The following FGD3 variants were observed in gnomAD, a reference collection of about 807,000 sequenced individuals.
The protein encoded by FGD3 is FYVE, RhoGEF and PH domain containing 3, also known as FYVE, RhoGEF and PH domain-containing protein 3.
FGD3 carries 45 observed loss-of-function variants against 71.8 expected under a neutral mutation model. That is an observed-to-expected ratio of 0.63 (90% CI 0.49 to 0.80). The LOEUF (loss-of-function observed/expected upper bound fraction) is 0.80. Ranked by LOEUF, FGD3 falls within the 30% of genes least tolerant of loss-of-function variation. FGD3 has a pLI of 0.00. For synonymous variants in FGD3, 378 were observed against 392.8 expected (o/e 0.96, Z 0.44); for missense variants, 844 against 951.5 (o/e 0.89, Z 1.49).
Position 93,013,867 on chromosome 9 carries a change from C to G in FGD3, c.1051C>G (p.Leu351Val), listed in dbSNP as rs368858332. The G allele has an allele frequency of 3.1e-6, 5 of 1,613,010 alleles. No individual in the cohort carries two copies. The African/African-American group carries it at 5.3e-5, about 17-fold the overall frequency. ...TCTCTTGCAGGAGAAAATGCACAAG[C>G]TCTTGGAGGTGTACGAGCAGCTGGG... is the stretch of plus-strand genomic sequence containing the variant. ...AIRKVEKMHK[L>V]LEVYEQLGGE... The change falls in exon 9 of 18, where the codon CTC becomes GTC. Residue 351 changes from leucine to valine, a missense_variant. Physicochemically the swap from Leu to Val is conservative, Grantham distance 32 (BLOSUM62 1). Transcript: ENST00000375482.
rs1262332394 is a variant in FGD3 at position 93,032,783 on chromosome 9, GT to G, written c.1696del (p.Cys566AlafsTer20). 6.2e-7 allele frequency: 1 copy of G among 1,614,134 alleles called. No homozygotes were observed. Among genetic ancestry groups the G allele is most frequent in the East Asian group, 2.2e-5 (1 of 44,894 alleles). The stretch of plus-strand genomic sequence containing the variant: ...CTGTTTGGCAGGTCATCTGTGGGAA[GT>G]GCTCCGAGTTCAAGGCCGAGAACAG... ...KLCGAVICGK[C>X]SEFKAENSRQ... On this transcript the variant is annotated frameshift_variant, in exon 16 of 18. Transcript: ENST00000375482. LOFTEE classifies it high-confidence loss of function.
At chr9:93,015,263 C>G (rs1275121807) in intron 9 of FGD3, among the ~76,000 whole-genome samples, 2 of 152,042 alleles carry the variant, frequency 1.3e-5, no homozygotes, top group Non-Finnish European at 2.9e-5. Flanking sequence ...TGAGACCAGC[C>G]TGGCCAACAT....
intron 11 of FGD3, among the ~76,000 whole-genome samples, chr9:93,019,557 G>T (rs1861832694): frequency 6.6e-6 from 1 of 152,182 alleles, no homozygotes; most frequent in Non-Finnish European, 1.5e-5. Context: ...TGGGAGTTCT[G>T]TTCTCCCACA....
At position 93,035,541 on chromosome 9, in the gene FGD3, C is replaced by G; in HGVS notation, c.2130C>G (p.Ser710Arg). ...CCCATGGGGACACGGCCCAGGACAG[C>G]CCGGGGGCCCTGCAGCTTCAGGTCC... ...TAAHGDTAQD[S>R]PGALQLQVPM... The change falls in exon 18 of 18, where the codon AGC becomes AGG. Residue 710 changes from serine (S) to arginine (R), a missense_variant. Physicochemically the swap from Ser to Arg is moderately radical, Grantham distance 110. Transcript: ENST00000375482. The G allele has an allele frequency of 6.2e-7, 1 of 1,606,868 alleles. No individual in the cohort carries two copies. The highest frequency in any genetic ancestry group is 8.5e-7 in the Non-Finnish European group (1 of 1,177,868).
intron 9 of FGD3, 121 bp downstream of exon 9, chr9:93,014,119 T>C: frequency 7.8e-7 from 1 of 1,280,358 alleles, no homozygotes; most frequent in Non-Finnish European, 1.0e-6. Context: ...CCTCTCCTAC[T>C]GGGACTGTGG....
chr9:92,998,625 G>A (rs749930753), intron 3 of FGD3, among the ~76,000 whole-genome samples: 107 of 152,114 alleles, frequency 7.0e-4, no homozygotes, highest in Non-Finnish European at 1.3e-3. Flanking sequence ...ACCTTTGGTC[G>A]TTGATGATGG....
At chr9:92,974,455 T>TA (rs1859647437) in intron 1 of FGD3, 1 of 152,250 alleles carries the variant, frequency 6.6e-6, no homozygotes, top group Non-Finnish European at 1.5e-5. Context: ...AAACGTCCAC[T>TA]CAAAAGGGGT....
In FGD3 at chr9:92,996,992, T is replaced by C. The variant is rs532391686; in HGVS notation, c.454-5933T>C. Among the ~76,000 whole-genome samples, 3 of 152,324 alleles carry C rather than the reference T, an allele frequency of 2.0e-5. No homozygotes were observed. The South Asian group carries it at 6.2e-4, about 32-fold the overall frequency. On this transcript the variant is annotated intron_variant, in intron 3 of 17. Coordinates refer to ENST00000375482, the MANE Select transcript of FGD3 (RefSeq NM_001083536.2). ...TAGAGTTCTGTAGATGTCTATTAGG[T>C]CCACTTGGTGCAGAGCTGAGTTCAA...
rs151004620 is a variant in FGD3, at chr9:92,969,622, C to T, written c.-217-5616C>T. Among the ~76,000 whole-genome samples, 408 of 152,310 alleles carry T rather than the reference C, an allele frequency of 2.7e-3. 1 individual carries two copies. Among genetic ancestry groups the T allele is most frequent in the Non-Finnish European group, 4.7e-3 (319 of 68,022 alleles). ...AAGGGAGGTCCCTGCCTACTAGGTT[C>T]CAGGCAGCACAGTGGACAGGTGCCG... On this transcript the variant is annotated intron_variant, in intron 1 of 17. Transcript: ENST00000375482. The surrounding 1 kb of genome is among the most constrained non-coding windows in gnomAD (Gnocchi z 4.5).
Position 93,020,653 on chromosome 9 carries a change from C to A in FGD3, c.1494+229C>A, listed in dbSNP as rs897005266. The A allele has an allele frequency of 1.0e-5, 5 of 498,154 alleles. No individual in the cohort carries two copies. The Admixed American group carries it at 1.3e-4, about 13-fold the overall frequency. 30.9% of individuals were successfully genotyped at this position (498,154 alleles called of 1,614,324 possible). A position where few individuals can be genotyped will look rare whatever the true frequency, so the allele number is the denominator to read the frequency against. On this transcript the variant is annotated intron_variant, in intron 13 of 17. Transcript: ENST00000375482. ...TTTGTGGATGGGATAACACCCACCCCCTACAACCCCTGAGACCAGAATAGG... is the reference window on the plus strand; with the variant it reads ...TTTGTGGATGGGATAACACCCACCCACTACAACCCCTGAGACCAGAATAGG...
At chr9:93,020,801 G>A (rs775206707) in intron 13 of FGD3, among the ~76,000 whole-genome samples, 9 of 152,208 alleles carry the variant, frequency 5.9e-5, no homozygotes, top group Non-Finnish European at 1.2e-4. Flanking sequence ...AACATGGTTT[G>A]AACAGTCGGC....
intron 2 of FGD3, among the ~76,000 whole-genome samples, chr9:92,975,787 G>C (rs1235688265): frequency 2.6e-5 from 4 of 152,156 alleles, no homozygotes; most frequent in Non-Finnish European, 5.9e-5. Flanking sequence ...TGGTGAGGAG[G>C]AGGAGGAGGA....
At chr9:92,992,981 G>A (rs777957771) in intron 3 of FGD3, among the ~76,000 whole-genome samples, 13 of 152,140 alleles carry the variant, frequency 8.5e-5, no homozygotes, top group Non-Finnish European at 1.8e-4. Context: ...TAGAGGCTGG[G>A]TGCCTCCACA....
intron 14 of FGD3, among the ~76,000 whole-genome samples, chr9:93,024,810 C>T (rs1464703631): frequency 1.3e-5 from 2 of 152,222 alleles, no homozygotes; most frequent in Non-Finnish European, 2.9e-5. Flanking sequence ...CGGGTTGGTG[C>T]CCTGACAGGA....
At chr9:92,977,980 T>C (rs1587825543) in intron 3 of FGD3, among the ~76,000 whole-genome samples, 1 of 152,282 alleles carries the variant, frequency 6.6e-6, no homozygotes, top group Non-Finnish European at 1.5e-5. Context: ...CACCATACAC[T>C]TAAAGAATAA....
At chr9:92,962,115 A>C (rs1859177943) in intron 1 of FGD3, among the ~76,000 whole-genome samples, 1 of 151,866 alleles carries the variant, frequency 6.6e-6, no homozygotes, top group Non-Finnish European at 1.5e-5. Flanking sequence ...ACTTCCTCCC[A>C]CTCACCCCAA....
chr9:92,993,516 G>A (rs1047390349), intron 3 of FGD3, among the ~76,000 whole-genome samples: 1 of 152,034 alleles, frequency 6.6e-6, no homozygotes, highest in Non-Finnish European at 1.5e-5. Context: ...TGCACAATGT[G>A]CAGGTTTGTT....
At position 93,010,352 on chromosome 9, in the gene FGD3, C is replaced by T. The variant is rs751754424; in HGVS notation, c.944C>T (p.Pro315Leu). ...CTCAAGGACTATCTGAAGAGGCTCC[C>T]GCAGGACGCCCCAGACCGGAAGGAT... ...LLLKDYLKRL[P>L]QDAPDRKDAE... is the part of the protein sequence containing the mutation. The change falls in exon 7 of 18, where the codon CCG becomes CTG. Residue 315 changes from proline to leucine, a missense_variant. Coordinates refer to ENST00000375482, the MANE Select transcript of FGD3 (RefSeq NM_001083536.2). The T allele has an allele frequency of 1.6e-5, 25 of 1,612,826 alleles. No individual in the cohort carries two copies. The highest frequency in any genetic ancestry group is 1.6e-4 in the Middle Eastern group (1 of 6,072).
At chr9:92,979,971 A>G (rs1242194405) in intron 3 of FGD3, among the ~76,000 whole-genome samples, 1 of 148,582 alleles carries the variant, frequency 6.7e-6, no homozygotes, top group Non-Finnish European at 1.5e-5. Context: ...TTTTTGAGGC[A>G]GTCTATTTAA....
Sources: gnomAD v4.1 joint callset for allele counts (sites outside exome capture counted in the v4.1 genomes callset) on GRCh38, gnomAD v4.1.1 for gene constraint, Gnocchi (gnomAD v3.1) non-coding constraint, MANE v1.5 for transcripts, NCBI Gene and HGNC (gene_info 2026-07-23, HGNC 2026-07-21) for gene names.